Variants in TRPC4 observed in about 807,000 individuals in gnomAD.
TRPC4 encodes transient receptor potential cation channel subfamily C member 4.
TRPC4 carries 49 observed loss-of-function variants against 99.4 expected under a neutral mutation model. The observed-to-expected ratio is 0.49, with a 90% CI of 0.39 to 0.63. The LOEUF (loss-of-function observed/expected upper bound fraction) is 0.63, where lower values mean the gene tolerates loss of function less well. TRPC4 is among the 20% of genes least tolerant of loss of function. The pLI is 0.00. For synonymous variants in TRPC4, 454 were observed against 425.9 expected (o/e 1.07, Z -0.81); for missense variants, 898 against 1,152.9 (o/e 0.78, Z 3.20).
At chr13:37,649,563 T>A (rs1045307994) in intron 8 of TRPC4, among the ~76,000 whole-genome samples, 2 of 151,246 alleles carry the variant, frequency 1.3e-5, no homozygotes, top group African/African-American at 4.9e-5. Flanking sequence ...TGAAACCCCG[T>A]CTCTACTAAA....
chr13:37,781,980 T>A (rs1956853559), intron 2 of TRPC4, among the ~76,000 whole-genome samples: 1 of 152,130 alleles, frequency 6.6e-6, no homozygotes, highest in East Asian at 1.9e-4. Flanking sequence ...GATGTGTATA[T>A]TATCAAATAG....
intron 2 of TRPC4, among the ~76,000 whole-genome samples, chr13:37,773,250 A>G (rs1956603661): frequency 6.6e-6 from 1 of 151,756 alleles, no homozygotes; most frequent in Non-Finnish European, 1.5e-5. Flanking sequence ...ATTTGGCAAA[A>G]TAAGAATAAA....
chr13:37,831,448 G>A (rs1233185851), intron 1 of TRPC4, among the ~76,000 whole-genome samples: 1 of 152,094 alleles, frequency 6.6e-6, no homozygotes, highest in Non-Finnish European at 1.5e-5. Context: ...AATATAAATA[G>A]GTACAGTCAT....
Position 37,674,160 on chromosome 13 carries a change from A to C in TRPC4, c.1374+68T>G, listed in dbSNP as rs766469970. 4.7e-4 allele frequency: 651 copies of C among 1,371,430 alleles called. 6 individuals are homozygous for C. Among genetic ancestry groups the C allele is most frequent in the Admixed American group, 9.4e-5 (3 of 31,958 alleles). 85.0% of individuals were successfully genotyped at this position (1,371,430 alleles called of 1,614,324 possible). A position where few individuals can be genotyped will look rare whatever the true frequency, so the allele number is the denominator to read the frequency against. On this transcript the variant is annotated intron_variant, in intron 5 of 10. Coordinates refer to ENST00000379705, the MANE Select transcript of TRPC4 (RefSeq NM_016179.4). ...CTAGGTAACTTTATTAATAAAATTA[A>C]TATCAGTTGAAAGTATATCATTAAT...
chr13:37,757,968 C>A (rs1031515028), intron 2 of TRPC4, among the ~76,000 whole-genome samples: 3 of 151,892 alleles, frequency 2.0e-5, no homozygotes, highest in African/African-American at 7.2e-5. Flanking sequence ...TTTACTGAGT[C>A]TCTTAGGTAC....
chr13:37,810,386 T>G (rs1490097479), intron 1 of TRPC4, among the ~76,000 whole-genome samples: 1 of 152,092 alleles, frequency 6.6e-6, no homozygotes, highest in East Asian at 1.9e-4. Context: ...CTAATAGGCA[T>G]ATATCATTAT....
chr13:37,815,965 T>C, intron 1 of TRPC4, among the ~76,000 whole-genome samples: 1 of 151,602 alleles, frequency 6.6e-6, no homozygotes, highest in East Asian at 1.9e-4. Context: ...AATAAAATCA[T>C]ACAATTACAT....
intron 4 of TRPC4, among the ~76,000 whole-genome samples, chr13:37,682,196 C>A (rs1285339626): frequency 2.6e-5 from 4 of 152,168 alleles, no homozygotes. Context: ...CCTATGGCAA[C>A]CTCCAGGGGT....
In TRPC4 at chr13:37,636,190, TA is replaced by T. The variant is rs1181166706; in HGVS notation, c.*712del. Among the ~76,000 whole-genome samples the T allele has an allele frequency of 6.6e-6, 1 of 152,018 alleles. No homozygotes were observed. Among genetic ancestry groups the T allele is most frequent in the Non-Finnish European group, 1.5e-5 (1 of 67,978 alleles). The stretch of plus-strand genomic sequence containing the variant: ...AGCAGTTGAATCTGAAATAGGTAAT[TA>T]AAAAAACTGGAGGGGCGAGTTTTTT... On this transcript the variant is annotated 3_prime_UTR_variant, in exon 11 of 11. Transcript: ENST00000379705.
chr13:37,803,710 A>T (rs1957463524), intron 1 of TRPC4, among the ~76,000 whole-genome samples: 1 of 152,050 alleles, frequency 6.6e-6, no homozygotes, highest in Non-Finnish European at 1.5e-5. Flanking sequence ...AACTATGAAG[A>T]TCCATTAATG....
intron 1 of TRPC4, among the ~76,000 whole-genome samples, chr13:37,789,293 T>C (rs1287118869): frequency 6.6e-6 from 1 of 152,168 alleles, no homozygotes. Flanking sequence ...ACAGTCTGAG[T>C]GCTTTTCCTT....
At chr13:37,771,326 C>G (rs1039143490) in intron 2 of TRPC4, among the ~76,000 whole-genome samples, 2 of 151,720 alleles carry the variant, frequency 1.3e-5, no homozygotes, top group African/African-American at 4.8e-5. Flanking sequence ...CACTTTCCTA[C>G]TTCTCTCATC....
chr13:37,825,592 A>C (rs1002812918), intron 1 of TRPC4, among the ~76,000 whole-genome samples: 4 of 146,382 alleles, frequency 2.7e-5, no homozygotes, highest in Non-Finnish European at 6.0e-5. Context: ...TTTGAGTGAG[A>C]TTCTTAATCC....
chr13:37,681,743 C>T (rs1427532848), intron 4 of TRPC4, among the ~76,000 whole-genome samples: 2 of 152,156 alleles, frequency 1.3e-5, no homozygotes, highest in Non-Finnish European at 2.9e-5. Flanking sequence ...AAATGTTTAT[C>T]CTGTTCCCGC....
chr13:37,842,073 C>A (rs1159490443), intron 1 of TRPC4, among the ~76,000 whole-genome samples: 1 of 151,720 alleles, frequency 6.6e-6, no homozygotes, highest in Non-Finnish European at 1.5e-5. Flanking sequence ...GGTTTGAGAC[C>A]AGCCTGGCCA....
At chr13:37,832,725 T>C (rs1958457021) in intron 1 of TRPC4, among the ~76,000 whole-genome samples, 1 of 152,080 alleles carries the variant, frequency 6.6e-6, no homozygotes, top group Non-Finnish European at 1.5e-5. Context: ...AAGATAGAGA[T>C]GTTTATATTG....
intron 3 of TRPC4, among the ~76,000 whole-genome samples, chr13:37,703,800 C>T (rs556956813): frequency 4.5e-4 from 68 of 152,144 alleles, no homozygotes; most frequent in Middle Eastern, 6.8e-3. Context: ...ATTAAATATA[C>T]ATCTACCAAT....
chr13:37,640,895 G>T (rs942264997), intron 8 of TRPC4, among the ~76,000 whole-genome samples: 18 of 152,072 alleles, frequency 1.2e-4, no homozygotes, highest in African/African-American at 7.2e-5. Flanking sequence ...AATATAGAAA[G>T]AATTTAGTCT....
At chr13:37,865,368 A>G (rs942442500) in intron 1 of TRPC4, among the ~76,000 whole-genome samples, 1 of 151,724 alleles carries the variant, frequency 6.6e-6, no homozygotes, top group South Asian at 2.1e-4. Flanking sequence ...GGTTAGCATG[A>G]TAACTTTTTA....
Sources: allele counts gnomAD v4.1 joint callset (sites outside exome capture counted in the v4.1 genomes callset), GRCh38; gene constraint gnomAD v4.1.1; transcripts MANE v1.5; gene names NCBI Gene and HGNC (gene_info 2026-07-23, HGNC 2026-07-21).